The following SAMD3 variants were observed in gnomAD, a reference collection of about 807,000 sequenced individuals.
The protein encoded by SAMD3 is sterile alpha motif domain containing 3.
A neutral mutation model predicts 58.5 loss-of-function variants in SAMD3; 63 were observed. The observed-to-expected ratio is 1.08, with a 90% CI of 0.88 to 1.33. The LOEUF is 1.33. Among genes scored for constraint, SAMD3 ranks in the 40% most tolerant of loss-of-function variants. The pLI is 0.00. For synonymous variants in SAMD3, 220 were observed against 210.3 expected (o/e 1.05, Z -0.40); for missense variants, 604 against 608.4 (o/e 0.99, Z 0.08).
intron 2 of SAMD3, among the ~76,000 whole-genome samples, chr6:130,257,877 G>A (rs1773977418): frequency 6.6e-6 from 1 of 152,008 alleles, no homozygotes; most frequent in Non-Finnish European, 1.5e-5. Flanking sequence ...ATTCTGTCTT[G>A]TATTTCCATA....
At chr6:130,183,332 G>A (rs1408754745) in intron 7 of SAMD3, 20 of 400,124 alleles carry the variant, frequency 5.0e-5, no homozygotes, top group African/African-American at 1.3e-4. Flanking sequence ...GCGAGACTCC[G>A]TCTCAAAAAA....
At chr6:130,240,127 C>CA (rs1773304633) in intron 2 of SAMD3, among the ~76,000 whole-genome samples, 1 of 152,200 alleles carries the variant, frequency 6.6e-6, no homozygotes, top group Non-Finnish European at 1.5e-5. Context: ...GATGTCCCTT[C>CA]ATGGAAAAAA....
intron 2 of SAMD3, among the ~76,000 whole-genome samples, chr6:130,259,920 T>C (rs1774063875): frequency 6.6e-6 from 1 of 152,204 alleles, no homozygotes; most frequent in Non-Finnish European, 1.5e-5. Context: ...GTGCTGCATT[T>C]AGTTCTCTGC....
chr6:130,334,761 C>A (rs905091018), intron 1 of SAMD3, among the ~76,000 whole-genome samples: 5 of 152,156 alleles, frequency 3.3e-5, no homozygotes, highest in Non-Finnish European at 7.3e-5. Context: ...ACTATATATA[C>A]AATGTGTGGC....
At chr6:130,194,048 C>T (rs1793836915) in intron 5 of SAMD3, among the ~76,000 whole-genome samples, 1 of 152,140 alleles carries the variant, frequency 6.6e-6, no homozygotes, top group Non-Finnish European at 1.5e-5. Context: ...AATTCTTCCT[C>T]AGCCTCCGCT....
chr6:130,262,914 A>G, intron 2 of SAMD3, among the ~76,000 whole-genome samples: 1 of 152,228 alleles, frequency 6.6e-6, no homozygotes, highest in East Asian at 1.9e-4. Flanking sequence ...TAAAAATAAA[A>G]GCATAACAGG....
intron 1 of SAMD3, among the ~76,000 whole-genome samples, chr6:130,351,884 T>G (rs1777682269): frequency 1.3e-5 from 2 of 152,016 alleles, no homozygotes; most frequent in Admixed American, 1.3e-4. Flanking sequence ...TAGGCAGCCA[T>G]AAAAAATGAT....
intron 9 of SAMD3, among the ~76,000 whole-genome samples, chr6:130,152,750 C>G (rs967152174): frequency 6.6e-6 from 1 of 152,052 alleles, no homozygotes; most frequent in African/African-American, 2.4e-5. Context: ...TTACAAAAAC[C>G]ATACTCCATA....
chr6:130,324,386 G>A (rs1047264321), intron 1 of SAMD3, among the ~76,000 whole-genome samples: 2 of 152,174 alleles, frequency 1.3e-5, no homozygotes, highest in African/African-American at 4.8e-5. Context: ...GATTGATTTT[G>A]CTGTTAAGAA....
intron 2 of SAMD3, among the ~76,000 whole-genome samples, chr6:130,283,325 A>C (rs1345362925): frequency 6.6e-6 from 1 of 152,168 alleles, no homozygotes; most frequent in East Asian, 1.9e-4. Flanking sequence ...AAGAGGGAGA[A>C]GTAATATGTT....
At chr6:130,296,094 C>T (rs972923530) in intron 2 of SAMD3, among the ~76,000 whole-genome samples, 4 of 152,170 alleles carry the variant, frequency 2.6e-5, no homozygotes, top group Non-Finnish European at 4.4e-5. Flanking sequence ...AGGTGGCCCA[C>T]GGGGTCCCAT....
At chr6:130,214,563 T>G in intron 3 of SAMD3, 37 bp from the exon 4 acceptor site, 1 of 1,504,158 alleles carries the variant, frequency 6.6e-7, no homozygotes, top group Non-Finnish European at 8.9e-7. Context: ...CTACATGACT[T>G]TCCGGCAAAA....
chr6:130,183,525 G>A (rs1417625921), intron 7 of SAMD3: 2 of 399,670 alleles, frequency 5.0e-6, no homozygotes, highest in South Asian at 1.8e-5. Context: ...CTCCGAAGCA[G>A]GTGCAGCCAT....
chr6:130,265,614 G>A (rs991766673), intron 2 of SAMD3, among the ~76,000 whole-genome samples: 4 of 152,100 alleles, frequency 2.6e-5, no homozygotes, highest in Admixed American at 2.6e-4. Flanking sequence ...TTTGTATAAT[G>A]TTACTCTATA....
At chr6:130,296,548 C>T (rs966741191) in intron 2 of SAMD3, among the ~76,000 whole-genome samples, 3 of 152,134 alleles carry the variant, frequency 2.0e-5, no homozygotes, top group Non-Finnish European at 2.9e-5. Context: ...AACTTCCCAC[C>T]GGGGGCCAGA....
chr6:130,191,181 A>G (rs1286125141), intron 5 of SAMD3, among the ~76,000 whole-genome samples: 1 of 151,892 alleles, frequency 6.6e-6, no homozygotes, highest in East Asian at 1.9e-4. Context: ...GGATTCTTCT[A>G]CCCCCAACAA....
chr6:130,242,473 G>C (rs952360521), intron 2 of SAMD3, among the ~76,000 whole-genome samples: 1 of 152,202 alleles, frequency 6.6e-6, no homozygotes, highest in Non-Finnish European at 1.5e-5. Context: ...GGGAAAACAC[G>C]ATCATGGATA....
chr6:130,238,563 A>T (rs1274330955), intron 2 of SAMD3, among the ~76,000 whole-genome samples: 2 of 104,756 alleles, frequency 1.9e-5, no homozygotes, highest in Non-Finnish European at 4.3e-5. Flanking sequence ...TAAAAGGACA[A>T]AAAAAAAAAT....
rs905119259 is a variant in SAMD3 at position 130,256,972 on chromosome 6, T to C, written c.-187-34159A>G. Among the ~76,000 whole-genome samples the C allele has an allele frequency of 9.9e-5, 15 of 152,220 alleles. 1 individual carries two copies. The highest frequency in any genetic ancestry group is 2.9e-5 in the Non-Finnish European group (2 of 68,038). On this transcript the variant is annotated intron_variant, in intron 2 of 13. Coordinates refer to the SAMD3 transcript ENST00000368134. ...TGTAAGTAACTCTCTAAAAATATTT[T>C]CTGTGTCCTTGCTAACTGAATTGTG...
Sources: gnomAD v4.1 joint callset for allele counts (sites outside exome capture counted in the v4.1 genomes callset) on GRCh38, gnomAD v4.1.1 for gene constraint, MANE v1.5 for transcripts, NCBI Gene and HGNC (gene_info 2026-07-23, HGNC 2026-07-21) for gene names.